Variants in CDC42 observed in about 807,000 individuals in gnomAD.
CDC42 encodes cell division control protein 42 homolog.
CDC42 carries 1 observed loss-of-function variant against 20.8 expected under a neutral mutation model. That is an observed-to-expected ratio of 0.05 (90% CI 0.02 to 0.23). The LOEUF is 0.23. CDC42 is among the 10% of genes least tolerant of loss of function. The pLI is 1.00. For synonymous variants in CDC42, 72 were observed against 84.8 expected (o/e 0.85, Z 0.83); for missense variants, 49 against 227.9 (o/e 0.21, Z 5.05).
At chr1:22,061,528 CTTTCTTTTTTTTTTTTTTTT>C (rs1196781486) in intron 1 of CDC42, among the ~76,000 whole-genome samples, 10 of 86,298 alleles carry the variant, frequency 1.2e-4, no homozygotes, top group Non-Finnish European at 1.5e-4. Context: ...CTTCATGTTT[CTTTCTTTTTTTTTTTTTTTT>C]TTTTTTTTTT....
At chr1:22,059,336 A>T (rs1349702859) in intron 1 of CDC42, 1 of 152,082 alleles carries the variant, frequency 6.6e-6, no homozygotes, top group Non-Finnish European at 1.5e-5. Context: ...ATTGAAAACT[A>T]ATTGTGGTGA....
At chr1:22,070,151 A>AT in intron 1 of CDC42, among the ~76,000 whole-genome samples, 1 of 152,164 alleles carries the variant, frequency 6.6e-6, no homozygotes, top group Non-Finnish European at 1.5e-5. Context: ...TAAAGTAGAG[A>AT]TTCCTCTTCA....
Position 22,098,631 on chromosome 1 carries a change from ACTT to A in CDC42, c.*7118_*7120del, listed in dbSNP as rs1645771985. On this transcript the variant is annotated 3_prime_UTR_variant, in exon 6 of 6. Coordinates refer to ENST00000656825, the MANE Select transcript of CDC42 (RefSeq NM_001791.4). ...TTATAAATTATTTTTTAGAGGCATC[ACTT>A]CTTTAAAGCCCATCAGATTAATGTG... 3.3e-5 allele frequency among the ~76,000 whole-genome samples: 5 copies of A among 152,228 alleles called. No homozygotes were observed. The South Asian group carries it at 1.0e-3, about 32-fold the overall frequency.
intron 5 of CDC42, chr1:22,090,954 C>T (rs183483381): frequency 4.5e-6 from 1 of 221,754 alleles, no homozygotes; most frequent in Non-Finnish European, 7.6e-6. Flanking sequence ...TTTGCAGCTA[C>T]CATAATCACC....
intron 5 of CDC42, chr1:22,090,816 GAAGCTTT>G: frequency 1.0e-6 from 1 of 985,010 alleles, no homozygotes; most frequent in Non-Finnish European, 1.2e-6. Context: ...AATGCCTGAT[GAAGCTTT>G]ATTCCTGTTG....
At chr1:22,079,095 G>A (rs957798037) in intron 2 of CDC42, among the ~76,000 whole-genome samples, 2 of 151,142 alleles carry the variant, frequency 1.3e-5, no homozygotes, top group Non-Finnish European at 2.9e-5. Flanking sequence ...AACACCAACA[G>A]AGTCCTTTGG....
chr1:22,053,460 T>G (rs768525711), intron 1 of CDC42: 7 of 152,080 alleles, frequency 4.6e-5, no homozygotes, highest in Non-Finnish European at 1.0e-4. Context: ...TTCCATCCGC[T>G]CCTCCAGCCC....
At position 22,097,696 on chromosome 1, in the gene CDC42, C is replaced by T. The variant is rs1645766772; in HGVS notation, c.*6179C>T. ...AGCTTGGAACAGAATGGGTAAACTT[C>T]TGTGAAGTTAGACACTTGCCTCTTA... On this transcript the variant is annotated 3_prime_UTR_variant, in exon 6 of 6. Coordinates refer to ENST00000656825, the MANE Select transcript of CDC42 (RefSeq NM_001791.4). Among the ~76,000 whole-genome samples the T allele has an allele frequency of 1.3e-5, 2 of 152,226 alleles. No homozygotes were observed. Among genetic ancestry groups the T allele is most frequent in the South Asian group, 2.1e-4 (1 of 4,836 alleles).
chr1:22,078,704 A>C, intron 2 of CDC42, 121 bp downstream of exon 2: 1 of 1,507,652 alleles, frequency 6.6e-7, no homozygotes, highest in Non-Finnish European at 8.9e-7. Context: ...CTGTTTTTAA[A>C]GATCTTGACT....
intron 1 of CDC42, among the ~76,000 whole-genome samples, chr1:22,054,921 A>ATATATT (rs1645285768): frequency 1.5e-4 from 3 of 19,396 alleles, no homozygotes; most frequent in Non-Finnish European, 2.7e-4. Flanking sequence ...ATATATATAT[A>ATATATT]TTTTTTTTTT....
chr1:22,067,561 T>G (rs1355583463), intron 1 of CDC42, among the ~76,000 whole-genome samples: 1 of 152,170 alleles, frequency 6.6e-6, no homozygotes, highest in Non-Finnish European at 1.5e-5. Context: ...GCCAGGCTGG[T>G]CTCGAACGCC....
intron 5 of CDC42, chr1:22,090,614 G>A (rs991239873): frequency 4.1e-6 from 4 of 985,352 alleles, no homozygotes; most frequent in Non-Finnish European, 4.8e-6. Context: ...ATCTGCTACT[G>A]CTTTATGAGT....
At chr1:22,079,139 CTTTT>C (rs10609742) in intron 2 of CDC42, among the ~76,000 whole-genome samples, 2 of 116,740 alleles carry the variant, frequency 1.7e-5, no homozygotes, top group African/African-American at 3.6e-5. Flanking sequence ...TTCTTTTTTT[CTTTT>C]TTTTTTTTTT....
At chr1:22,090,850 T>C in intron 5 of CDC42, 1 of 971,668 alleles carries the variant, frequency 1.0e-6, no homozygotes, top group Non-Finnish European at 1.2e-6. Flanking sequence ...CTGGCTCTAA[T>C]TTTACGTATG....
At chr1:22,061,676 T>C (rs868794153) in intron 1 of CDC42, among the ~76,000 whole-genome samples, 1 of 147,552 alleles carries the variant, frequency 6.8e-6, no homozygotes, top group African/African-American at 2.5e-5. Context: ...CCTGAGTAGC[T>C]GGGATTACAG....
intron 1 of CDC42, chr1:22,053,477 T>G (rs1645260813): frequency 6.6e-6 from 1 of 152,382 alleles, no homozygotes; most frequent in South Asian, 2.1e-4. Flanking sequence ...GCCCGCTCCC[T>G]GCCGGTTTAG....
At chr1:22,053,912 T>G (rs1044133329) in intron 1 of CDC42, among the ~76,000 whole-genome samples, 2 of 152,184 alleles carry the variant, frequency 1.3e-5, no homozygotes, top group Non-Finnish European at 2.9e-5. Context: ...TGGCATTAAC[T>G]TTAAATAGAG....
chr1:22,067,532 ACAGGGTTTCACCAAGTTGGC>A (rs1645438100), intron 1 of CDC42, among the ~76,000 whole-genome samples: 1 of 152,056 alleles, frequency 6.6e-6, no homozygotes, highest in Non-Finnish European at 1.5e-5. Flanking sequence ...TTTAGTGGAG[ACAGGGTTTCACCAAGTTGGC>A]CAGGCTGGTC....
intron 1 of CDC42, among the ~76,000 whole-genome samples, chr1:22,060,390 G>A (rs959318194): frequency 6.6e-6 from 1 of 152,082 alleles, no homozygotes; most frequent in African/African-American, 2.4e-5. Flanking sequence ...GTGGAAGGAG[G>A]AGAGGTGTCT....
Sources: allele counts gnomAD v4.1 joint callset (sites outside exome capture counted in the v4.1 genomes callset), GRCh38; gene constraint gnomAD v4.1.1; transcripts MANE v1.5; gene names NCBI Gene and HGNC (gene_info 2026-07-23, HGNC 2026-07-21).